TMIGD1: variants seen among roughly 807,000 people sequenced by gnomAD.
TMIGD1 encodes transmembrane and immunoglobulin domain-containing protein 1.
TMIGD1 carries 29 observed loss-of-function variants against 27.5 expected under a neutral mutation model. The observed-to-expected ratio is 1.05, with a 90% CI of 0.78 to 1.44. The LOEUF is 1.44. TMIGD1 is among the 40% of genes most tolerant of loss of function. The pLI is 0.00. For missense variants in TMIGD1, 334 were observed against 310.6 expected (o/e 1.08, Z -0.57); for synonymous variants, 109 against 110.3 (o/e 0.99, Z 0.07).
chr17:30,327,214 T>C (rs1909811756), intron 3 of TMIGD1, among the ~76,000 whole-genome samples: 2 of 152,288 alleles, frequency 1.3e-5, no homozygotes, highest in Admixed American at 6.5e-5. Flanking sequence ...CTTAAGAGGG[T>C]TCCATCAGCC....
At chr17:30,327,435 G>A (rs764874381) in intron 3 of TMIGD1, among the ~76,000 whole-genome samples, 12 of 151,498 alleles carry the variant, frequency 7.9e-5, no homozygotes, top group East Asian at 3.9e-4. Flanking sequence ...AAAAAGTTTC[G>A]TGGAATAAGC....
chr17:30,324,733 T>C (rs562971189), intron 4 of TMIGD1, 83 bp downstream of exon 4: 40 of 1,472,024 alleles, frequency 2.7e-5, no homozygotes, highest in Non-Finnish European at 3.6e-5. Context: ...ACCGTTATTA[T>C]CATTTATTGT....
At chr17:30,329,551 A>G in intron 2 of TMIGD1, 22 bp from the exon 3 acceptor site, 2 of 1,597,972 alleles carry the variant, frequency 1.3e-6, no homozygotes, top group Non-Finnish European at 1.7e-6. Context: ...GGGAGAAACT[A>G]TTTAGATATA....
Position 30,332,068 on chromosome 17 carries a change from C to A in TMIGD1, c.66G>T (p.Leu22=). The change falls in exon 2 of 7, where the codon CTG becomes CTT. Residue 22 remains leucine (L), a synonymous_variant. Transcript: ENST00000328886. ...TTAACTTACTTGTCATCTCACGTGG[C>A]AGAAATAAAATTACTAAGAGAAGAA... ...GRFLLLVILF[L]PREMTSSVLT... 1 of 1,611,696 alleles carries A rather than the reference C, an allele frequency of 6.2e-7. No individual in the cohort carries two copies. The highest frequency in any genetic ancestry group is 8.5e-7 in the Non-Finnish European group (1 of 1,178,730).
At chr17:30,328,611 A>C (rs77530880) in intron 3 of TMIGD1, among the ~76,000 whole-genome samples, 1 of 152,242 alleles carries the variant, frequency 6.6e-6, no homozygotes, top group East Asian at 1.9e-4. Context: ...AACAAACAAA[A>C]AAAAGACCAT....
intron 3 of TMIGD1, among the ~76,000 whole-genome samples, chr17:30,327,043 T>TACAC (rs1491291814): frequency 4.6e-5 from 6 of 131,056 alleles, no homozygotes; most frequent in African/African-American, 1.7e-4. Flanking sequence ...AGCAATTAAC[T>TACAC]ATACACACAC....
rs1174296909 is a variant in TMIGD1 at position 30,329,258 on chromosome 17, A to G, written c.354T>C (p.Asn118=). 1 of 1,613,352 alleles carries G rather than the reference A, an allele frequency of 6.2e-7. No individual in the cohort carries two copies. The highest frequency in any genetic ancestry group is 8.5e-7 in the Non-Finnish European group (1 of 1,179,422). Residue 118 remains asparagine, a synonymous_variant, in exon 3 of 7, where the codon AAT becomes AAC. Coordinates refer to ENST00000328886, the MANE Select transcript of TMIGD1 (RefSeq NM_206832.3). ...DQSVSVSVVL[N]VTFPPLLSGN... is the part of the protein sequence containing the mutation. The stretch of plus-strand genomic sequence containing the variant: ...TCTTTTCCCCTCACTCACAAGTAAC[A>G]TTCAGCACCACCGAAACGGACACGG...
chr17:30,316,537 A>G lies in TMIGD1; in HGVS notation c.*150T>C. On this transcript the variant is annotated 3_prime_UTR_variant, in exon 7 of 7. Coordinates refer to ENST00000328886, the MANE Select transcript of TMIGD1 (RefSeq NM_206832.3). ...CATAAAAATGTTCCACAAGTGTATC[A>G]AATTAGTCCTAACAACTACTGTTAA... 1.4e-6 allele frequency: 1 copy of G among 718,070 alleles called. No homozygotes were observed. The allele number at this position is 718,070 out of a possible 1,614,324, so 44.5% of individuals were successfully genotyped here.
chr17:30,320,896 C>T (rs554587229), intron 4 of TMIGD1, among the ~76,000 whole-genome samples: 32 of 152,122 alleles, frequency 2.1e-4, no homozygotes, highest in African/African-American at 6.5e-4. Flanking sequence ...CTCGCTCTGC[C>T]GCCCAGGCTG....
intron 2 of TMIGD1, among the ~76,000 whole-genome samples, chr17:30,331,287 T>C (rs1909969586): frequency 6.6e-6 from 1 of 151,828 alleles, no homozygotes; most frequent in Non-Finnish European, 1.5e-5. Context: ...TTGTCATCTC[T>C]GGATGAAAGT....
At chr17:30,328,247 G>A (rs565267442) in intron 3 of TMIGD1, among the ~76,000 whole-genome samples, 59 of 152,102 alleles carry the variant, frequency 3.9e-4, no homozygotes, top group African/African-American at 1.3e-3. Flanking sequence ...TGTTGGTCAG[G>A]CTGGTCTCGA....
Position 30,329,487 on chromosome 17 carries a change from A to C in TMIGD1, c.125T>G (p.Leu42Arg). ...TVNGKTENYI[L>R]DTTPGSQASL... ...TGCTTGGGAGCCAGGTGTAGTATCC[A>C]GGATATAGTTCTCAGTTTTACCATT... is the stretch of plus-strand genomic sequence containing the variant. The change falls in exon 3 of 7, where the codon CTG becomes CGG. Residue 42 changes from leucine to arginine, a missense_variant. Leu to Arg is a moderately radical substitution (Grantham distance 102, BLOSUM62 -2). Coordinates refer to ENST00000328886, the MANE Select transcript of TMIGD1 (RefSeq NM_206832.3). The C allele has an allele frequency of 6.2e-7, 1 of 1,613,990 alleles. No homozygotes were observed. Among genetic ancestry groups the C allele is most frequent in the East Asian group, 2.2e-5 (1 of 44,886 alleles).
intron 4 of TMIGD1, 63 bp downstream of exon 4, chr17:30,324,753 T>C (rs1423924443): frequency 6.5e-7 from 1 of 1,529,898 alleles, no homozygotes; most frequent in African/African-American, 1.4e-5. Context: ...TCACCAGAAA[T>C]ATTCACTGAG....
At chr17:30,321,374 C>T (rs536504195) in intron 4 of TMIGD1, among the ~76,000 whole-genome samples, 1 of 152,290 alleles carries the variant, frequency 6.6e-6, no homozygotes, top group East Asian at 1.9e-4. Flanking sequence ...TGTCTAAGCC[C>T]CTGGATTCTG....
chr17:30,319,429 CAAAAAAAAAAAA>C (rs1286864435), intron 4 of TMIGD1, among the ~76,000 whole-genome samples: 8 of 40,788 alleles, frequency 2.0e-4, no homozygotes, highest in East Asian at 7.3e-4. Context: ...TCTCTGTCTC[CAAAAAAAAAAAA>C]AAAAAAAAAA....
At position 30,327,670 on chromosome 17, in the gene TMIGD1, TAGCCTC is replaced by T. The variant is rs562826193; in HGVS notation, c.361+1575_361+1580del. ...AAACTTCTGGGCTCAGAAGATCCTG[TAGCCTC>T]AGCCTCCCGAGCAGCTGGGGCTACA... On this transcript the variant is annotated intron_variant, in intron 3 of 6. Transcript: ENST00000328886. Among the ~76,000 whole-genome samples the T allele has an allele frequency of 2.8e-4, 43 of 152,068 alleles. No homozygotes were observed. In the South Asian group the frequency reaches 8.3e-3, roughly 29 times the overall value.
chr17:30,324,965 A>C lies in TMIGD1; in HGVS notation c.491T>G (p.Leu164Ter). 5 of 1,614,128 alleles carry C rather than the reference A, an allele frequency of 3.1e-6. No homozygotes were observed. Among genetic ancestry groups the C allele is most frequent in the Non-Finnish European group, 4.2e-6 (5 of 1,179,994 alleles). ...TTGGATTTGGTGACGGCTTTTCTCT[A>C]AATCGAGGAGACTACTGTTTTTGTA... is the stretch of plus-strand genomic sequence containing the variant. ...MWYKNSSLLD[L>*]EKSRHQIQQT... The change falls in exon 4 of 7, where the codon TTA becomes TGA. Residue 164 changes from leucine to a stop codon, truncating the protein, a stop_gained. Coordinates refer to ENST00000328886, the MANE Select transcript of TMIGD1 (RefSeq NM_206832.3). LOFTEE classifies it high-confidence loss of function.
chr17:30,323,470 T>G (rs1279645430), intron 4 of TMIGD1, among the ~76,000 whole-genome samples: 1 of 152,206 alleles, frequency 6.6e-6, no homozygotes. Flanking sequence ...AGCAGAGCAT[T>G]TATGCCACCA....
chr17:30,329,390 C>T lies in TMIGD1; in HGVS notation c.222G>A (p.Val74=). ...TGATTTTGTTTCCAGATTTCAAATC[C>T]ACTCTCCCCTCCTCTCGGTACCAGA... The part of the protein sequence containing the change: ...ELLWYREEGR[V]DLKSGNKINS... Residue 74 remains valine, a synonymous_variant, in exon 3 of 7, where the codon GTG becomes GTA. Coordinates refer to ENST00000328886, the MANE Select transcript of TMIGD1 (RefSeq NM_206832.3). 1.2e-6 allele frequency: 2 copies of T among 1,614,064 alleles called. No homozygotes were observed. Among genetic ancestry groups the T allele is most frequent in the Non-Finnish European group, 1.7e-6 (2 of 1,180,004 alleles).
Sources: allele counts gnomAD v4.1 joint callset (sites outside exome capture counted in the v4.1 genomes callset), GRCh38; gene constraint gnomAD v4.1.1; transcripts MANE v1.5; gene names NCBI Gene and HGNC (gene_info 2026-07-23, HGNC 2026-07-21).